Variants in LARP7 observed in about 807,000 individuals in gnomAD.
LARP7 encodes the protein la-related protein 7.
LARP7 carries 52 observed loss-of-function variants against 69.3 expected under a neutral mutation model. The ratio of observed to expected loss-of-function variants is 0.75; its 90% CI spans 0.60 to 0.95. LARP7 has a LOEUF of 0.95. Among genes scored for constraint, LARP7 ranks in the 40% least tolerant of loss-of-function variants. The pLI is 0.00. For missense variants in LARP7, 733 were observed against 673.0 expected, an observed-to-expected ratio of 1.09 and a Z score of -0.99; for synonymous variants, 254 against 215.9, an observed-to-expected ratio of 1.18 and a Z score of -1.55.
chr4:112,641,489 T>C (rs2047963843), intron 1 of LARP7, among the ~76,000 whole-genome samples: 1 of 151,614 alleles, frequency 6.6e-6, no homozygotes, highest in African/African-American at 2.4e-5. Flanking sequence ...GAATCGATTA[T>C]AAGGGAAGAA....
intron 1 of LARP7, among the ~76,000 whole-genome samples, chr4:112,641,791 A>G (rs991331730): frequency 6.6e-6 from 1 of 152,214 alleles, no homozygotes; most frequent in Non-Finnish European, 1.5e-5. Flanking sequence ...TATTTTCACC[A>G]TGTTAATTTT....
intron 12 of LARP7, 78 bp from the exon 13 acceptor site, chr4:112,657,169 T>TC: frequency 1.5e-6 from 1 of 646,086 alleles, no homozygotes; most frequent in Non-Finnish European, 2.4e-6. Flanking sequence ...TAGTCATAGT[T>TC]TTGTGTGTGT....
intron 10 of LARP7, among the ~76,000 whole-genome samples, chr4:112,651,149 A>G (rs1482007079): frequency 1.3e-5 from 2 of 152,190 alleles, no homozygotes; most frequent in East Asian, 1.9e-4. Context: ...CCTGTCACCC[A>G]TTTAAGTGAA....
intron 11 of LARP7, among the ~76,000 whole-genome samples, chr4:112,653,789 AT>A (rs2048853097): frequency 6.6e-6 from 1 of 152,050 alleles, no homozygotes; most frequent in African/African-American, 2.4e-5. Flanking sequence ...GCACCAGGCA[AT>A]TTTTATATTT....
chr4:112,649,509 T>C, intron 8 of LARP7, 26 bp from the exon 9 acceptor site: 1 of 1,549,462 alleles, frequency 6.5e-7, no homozygotes, highest in Non-Finnish European at 8.7e-7. Flanking sequence ...TTTAGTCATC[T>C]GTTATCACCA....
intron 1 of LARP7, among the ~76,000 whole-genome samples, chr4:112,638,362 C>G (rs748240236): frequency 3.9e-5 from 6 of 152,184 alleles, no homozygotes; most frequent in Non-Finnish European, 7.3e-5. Flanking sequence ...AGCAAACACA[C>G]ACAAATGACT....
chr4:112,649,262 A>C (rs1330700133), intron 8 of LARP7, among the ~76,000 whole-genome samples: 1 of 152,172 alleles, frequency 6.6e-6, no homozygotes, highest in Non-Finnish European at 1.5e-5. Context: ...TTAATGCTAA[A>C]ATTTTACTTT....
In LARP7 at chr4:112,654,115, G is replaced by A; in HGVS notation, c.1624G>A (p.Ala542Thr). ...YWQKILVDRQ[A>T]KLNQPREKKR... is the part of the protein sequence containing the mutation. ...GCAGAAGATTTTGGTTGATAGACAG[G>A]CAAAACTTAATCAGCCTCGGGAAAA... The change falls in exon 12 of 13, where the codon GCA (alanine) becomes ACA (threonine). Residue 542 changes from alanine to threonine, a missense_variant. Transcript: ENST00000344442. 1 of 1,613,852 alleles carries A rather than the reference G, an allele frequency of 6.2e-7. No individual in the cohort carries two copies. Among genetic ancestry groups the A allele is most frequent in the Non-Finnish European group, 8.5e-7 (1 of 1,179,870 alleles).
chr4:112,648,054 T>G (rs747735950), intron 8 of LARP7: 3 of 643,574 alleles, frequency 4.7e-6, no homozygotes, highest in Non-Finnish European at 9.1e-6. Flanking sequence ...AGCAAGTGCC[T>G]CCATGTTAAA....
chr4:112,646,267 A>AG lies in LARP7; in HGVS notation c.203-81dup, dbSNP rs998170923. On this transcript the variant is annotated intron_variant, in intron 2 of 12. Coordinates refer to ENST00000344442, the MANE Select transcript of LARP7 (RefSeq NM_016648.4). ...TTACAGGCATGAGCCACCGAGCCTG[A>AG]GGGCCTGAGGGGCAGGTTAAATTGT... The AG allele has an allele frequency of 6.0e-6, 4 of 663,762 alleles. No individual in the cohort carries two copies. In the East Asian group the frequency reaches 1.2e-4, roughly 21 times the overall value. The allele number at this position is 663,762 out of a possible 1,614,324, so 41.1% of individuals were successfully genotyped here.
At chr4:112,657,167 GTT>G in intron 12 of LARP7, 78 bp from the exon 13 acceptor site, 1 of 554,076 alleles carries the variant, frequency 1.8e-6, no homozygotes, top group Non-Finnish European at 2.6e-6. Flanking sequence ...TCTAGTCATA[GTT>G]TTGTGTGTGT....
At chr4:112,649,146 A>G (rs2048574664) in intron 8 of LARP7, among the ~76,000 whole-genome samples, 1 of 152,116 alleles carries the variant, frequency 6.6e-6, no homozygotes, top group South Asian at 2.1e-4. Context: ...ATTCAAGTAA[A>G]TACTAAGGAA....
chr4:112,647,389 G>A lies in LARP7; in HGVS notation c.837G>A (p.Arg279=), dbSNP rs754602989. The change falls in exon 7 of 13, where the codon CGG becomes CGA. Residue 279 remains arginine, a synonymous_variant. Transcript: ENST00000344442. The part of the protein sequence containing the change: ...QKQCSKKKKK[R]DRVEASSLPE... ...AGTGCTCAAAGAAAAAGAAAAAACG[G>A]GACAGAGTTGAAGCATCTAGCTTAC... 5 of 1,613,806 alleles carry A rather than the reference G, an allele frequency of 3.1e-6. No individual in the cohort carries two copies. The highest frequency in any genetic ancestry group is 1.1e-5 in the South Asian group (1 of 91,068).
At chr4:112,649,485 A>G (rs1232676558) in intron 8 of LARP7, 50 bp from the exon 9 acceptor site, 4 of 1,448,558 alleles carry the variant, frequency 2.8e-6, no homozygotes, top group Non-Finnish European at 3.7e-6. Context: ...ATATTTCCCT[A>G]TTTACTTTTT....
intron 12 of LARP7, chr4:112,655,515 G>A (rs958317524): frequency 6.6e-6 from 1 of 152,174 alleles, no homozygotes; most frequent in African/African-American, 2.4e-5. Context: ...CAGAAAGTAA[G>A]TGCTGTGCAA....
intron 12 of LARP7, among the ~76,000 whole-genome samples, chr4:112,656,480 A>G (rs534582238): frequency 6.6e-6 from 1 of 152,114 alleles, no homozygotes; most frequent in Admixed American, 6.5e-5. Flanking sequence ...AGATGAAGGA[A>G]AGGTCTGCCA....
In LARP7 at chr4:112,646,962, C is replaced by T. The variant is rs772890795; in HGVS notation, c.552+7C>T. 1.5e-5 allele frequency: 23 copies of T among 1,580,392 alleles called. No homozygotes were observed. The African/African-American group carries it at 1.7e-4, about 12-fold the overall frequency. On this transcript the variant is annotated splice_region_variant and intron_variant, in intron 5 of 12. Transcript: ENST00000344442. ...AGCAGCAAAAGCAATTGAGGTAAGTCCAGATCCTAAAAAAAAAAAAAGAAA... is the reference window on the plus strand; with the variant it reads ...AGCAGCAAAAGCAATTGAGGTAAGTTCAGATCCTAAAAAAAAAAAAAGAAA...
intron 1 of LARP7, among the ~76,000 whole-genome samples, chr4:112,638,842 A>C (rs1198716002): frequency 6.6e-6 from 1 of 152,216 alleles, no homozygotes; most frequent in African/African-American, 2.4e-5. Context: ...TTATATTTGT[A>C]CAAGAGTCTT....
intron 9 of LARP7, 45 bp from the exon 10 acceptor site, chr4:112,650,416 T>C: frequency 1.9e-6 from 3 of 1,599,646 alleles, no homozygotes; most frequent in African/African-American, 1.3e-5. Context: ...AAATTGTTGT[T>C]AAGTGTAAGA....
Sources: allele counts gnomAD v4.1 joint callset (sites outside exome capture counted in the v4.1 genomes callset), GRCh38; gene constraint gnomAD v4.1.1; transcripts MANE v1.5; gene names NCBI Gene and HGNC (gene_info 2026-07-23, HGNC 2026-07-21).